SYNC: variants seen among roughly 807,000 people sequenced by gnomAD.
SYNC encodes syncoilin.
A neutral mutation model predicts 49.5 loss-of-function variants in SYNC; 38 were observed. The observed-to-expected ratio is 0.77, with a 90% CI of 0.59 to 1.01. The LOEUF (loss-of-function observed/expected upper bound fraction) is 1.01. Among genes scored for constraint, SYNC ranks in the 50% least tolerant of loss-of-function variants. The pLI, the probability that SYNC is intolerant of heterozygous loss-of-function variation, is 0.00. For synonymous variants in SYNC, 201 were observed against 230.8 expected, an observed-to-expected ratio of 0.87 and a Z score of 1.17; for missense variants, 579 against 580.6, an observed-to-expected ratio of 1.00 and a Z score of 0.03.
chr1:32,694,979 C>T lies in SYNC; in HGVS notation c.1119G>A (p.Glu373=), dbSNP rs143560038. ...RTQAEIQEMK[E]ALRPLQAEAR... ...CCTCTGCTTGCAGGGGTCTCAGAGC[C>T]TCCTTCATTTCCTGGATCTCAGCCT... Residue 373 remains glutamate (E), a synonymous_variant, in exon 2 of 5, where the codon GAG becomes GAA. Coordinates refer to ENST00000409190, the MANE Select transcript of SYNC (RefSeq NM_030786.3). 11 of 1,614,090 alleles carry T rather than the reference C, an allele frequency of 6.8e-6. No individual in the cohort carries two copies. The African/African-American group carries it at 1.2e-4, about 18-fold the overall frequency.
In SYNC at chr1:32,680,074, C is replaced by A; in HGVS notation, c.*1776G>T. 13 of 1,072,048 alleles carry A rather than the reference C, an allele frequency of 1.2e-5. No individual in the cohort carries two copies. The highest frequency in any genetic ancestry group is 1.5e-5 in the Non-Finnish European group (13 of 887,194). The allele number at this position is 1,072,048 out of a possible 1,614,324, so 66.4% of individuals were successfully genotyped here. A position where few individuals can be genotyped will look rare whatever the true frequency, so the allele number is the denominator to read the frequency against. ...GAATAGAGCCAAATGAGGTAGGTGT[C>A]TGAGCCATGAAGTATAAATACTGAA... On this transcript the variant is annotated 3_prime_UTR_variant, in exon 5 of 5. Coordinates refer to ENST00000409190, the MANE Select transcript of SYNC (RefSeq NM_030786.3).
intron 2 of SYNC, among the ~76,000 whole-genome samples, chr1:32,687,454 C>T (rs1649908929): frequency 1.3e-5 from 2 of 151,446 alleles, no homozygotes; most frequent in African/African-American, 2.4e-5. Flanking sequence ...AGGTGGATCA[C>T]GAGGTCAAGA....
In SYNC at chr1:32,684,093, TAAAA is replaced by T; in HGVS notation, c.1359-8_1359-5del. 1 of 1,609,448 alleles carries T rather than the reference TAAAA, an allele frequency of 6.2e-7. No homozygotes were observed. The highest frequency in any genetic ancestry group is 1.1e-5 in the South Asian group (1 of 90,894). ...GCTCTTGGGTAGTAGCATAGCCCTT[TAAAA>T]AGAGAGAGCCATTTTCCATGTGTTT... On this transcript the variant is annotated splice_polypyrimidine_tract_variant and splice_region_variant and intron_variant, in intron 3 of 4. Transcript: ENST00000409190.
chr1:32,693,811 AAAAGG>A (rs1360734440), intron 2 of SYNC, among the ~76,000 whole-genome samples: 13 of 152,208 alleles, frequency 8.5e-5, no homozygotes, highest in Non-Finnish European at 1.8e-4. Flanking sequence ...AAATGCACAT[AAAAGG>A]AAAGTGAAGA....
chr1:32,697,452 A>G (rs1380117330), intron 1 of SYNC, among the ~76,000 whole-genome samples: 1 of 149,294 alleles, frequency 6.7e-6, no homozygotes, highest in Non-Finnish European at 1.5e-5. Flanking sequence ...AAAAAAAAAA[A>G]GATAACCGTG....
At chr1:32,700,701 AAAAG>A (rs929909995) in intron 1 of SYNC, among the ~76,000 whole-genome samples, 24 of 152,314 alleles carry the variant, frequency 1.6e-4, no homozygotes, top group Admixed American at 7.2e-4. Context: ...CTGTCTCAAA[AAAAG>A]AAAGAAAGAA....
Position 32,695,249 on chromosome 1 carries a change from C to T in SYNC, c.849G>A (p.Gln283=), listed in dbSNP as rs547952505. Residue 283 remains glutamine (Q), a synonymous_variant, in exon 2 of 5, where the codon CAG becomes CAA. Transcript: ENST00000409190. ...GGAGCTGGGCCAGTTCCTCTGAGAG[C>T]TGGGTTGCCCTTGTAGTCAGCACTT... The part of the protein sequence containing the change: ...FREVLTTRAT[Q]LSEELAQLRD... 6.4e-6 allele frequency: 10 copies of T among 1,552,118 alleles called. No homozygotes were observed. In the South Asian group the frequency reaches 7.1e-5, roughly 11 times the overall value.
Position 32,695,631 on chromosome 1 carries a change from C to G in SYNC, c.467G>C (p.Arg156Thr). 1 of 1,551,672 alleles carries G rather than the reference C, an allele frequency of 6.4e-7. No individual in the cohort carries two copies. Among genetic ancestry groups the G allele is most frequent in the Non-Finnish European group, 8.7e-7 (1 of 1,147,006 alleles). ...CTCCATGCTGGGGCTCTGCTCGGCT[C>G]TGAGGCTCTCCTCAGGGTTAGATTT... The part of the protein sequence containing the change: ...AEKSNPEESL[R>T]AEQSPSMEEN... Residue 156 changes from arginine (R) to threonine (T), a missense_variant, in exon 2 of 5, where the codon AGA (arginine) becomes ACA (threonine). Arg to Thr is a moderately conservative substitution (Grantham distance 71). Transcript: ENST00000409190.
At chr1:32,698,353 C>T (rs1650524784) in intron 1 of SYNC, among the ~76,000 whole-genome samples, 1 of 151,812 alleles carries the variant, frequency 6.6e-6, no homozygotes, top group Non-Finnish European at 1.5e-5. Flanking sequence ...CCCGTCTCTA[C>T]TAAAAGTACA....
rs1316669016 is a variant in SYNC, at chr1:32,680,294, C to T, written c.*1556G>A. On this transcript the variant is annotated 3_prime_UTR_variant, in exon 5 of 5. Coordinates refer to ENST00000409190, the MANE Select transcript of SYNC (RefSeq NM_030786.3). ...TATATTTTTGCTCGTTAGTGTATTT[C>T]TTGAGCTGTTTTCATGTTGTTTATT... 4.0e-6 allele frequency: 5 copies of T among 1,264,654 alleles called. No individual in the cohort carries two copies. In the African/African-American group the frequency reaches 6.7e-5, roughly 17 times the overall value. The allele number at this position is 1,264,654 out of a possible 1,614,324, so 78.3% of individuals were successfully genotyped here.
At chr1:32,693,816 G>C (rs1650276977) in intron 2 of SYNC, among the ~76,000 whole-genome samples, 1 of 152,124 alleles carries the variant, frequency 6.6e-6, no homozygotes, top group South Asian at 2.1e-4. Context: ...CACATAAAAG[G>C]AAAGTGAAGA....
At chr1:32,702,777 C>T, upstream of SYNC, 1 of 908,002 alleles carries the variant, frequency 1.1e-6, no homozygotes, top group Non-Finnish European at 1.3e-6. This position sits in a 1 kb window ranked among gnomAD's most constrained non-coding sequence, Gnocchi z 6.2. Context: ...TCCCGGCCGG[C>T]CCCGGGCCGG....
intron 2 of SYNC, among the ~76,000 whole-genome samples, chr1:32,687,361 C>CA (rs11383471): frequency 0.89 from 109,805 of 123,524 alleles, 49,087 homozygotes; most frequent in Non-Finnish European, 0.95. Flanking sequence ...GACTTCATCT[C>CA]AAAAAAAAAA....
In SYNC at chr1:32,680,574, C is replaced by G; in HGVS notation, c.*1276G>C. The G allele has an allele frequency of 6.6e-7, 1 of 1,517,286 alleles. No individual in the cohort carries two copies. The allele number at this position is 1,517,286 out of a possible 1,614,324, so 94.0% of individuals were successfully genotyped here. On this transcript the variant is annotated 3_prime_UTR_variant, in exon 5 of 5. Transcript: ENST00000409190. ...TGATGCCATCTCCATTTTGGGTGAC[C>G]TGTTTCACCAGCAGGCCTGTTACTC...
intron 2 of SYNC, among the ~76,000 whole-genome samples, chr1:32,686,731 T>A (rs531643551): frequency 6.6e-6 from 1 of 152,290 alleles, no homozygotes; most frequent in Admixed American, 6.5e-5. Flanking sequence ...CTTGCAACCC[T>A]ATGGATATGG....
chr1:32,695,519 C>A lies in SYNC; in HGVS notation c.579G>T (p.Arg193Ser). Residue 193 changes from arginine (R) to serine (S), a missense_variant, in exon 2 of 5, where the codon AGG becomes AGT. Coordinates refer to ENST00000409190, the MANE Select transcript of SYNC (RefSeq NM_030786.3). The stretch of plus-strand genomic sequence containing the variant: ...ATACAAGCTCATGGATGAGCTGATC[C>A]CTCTCCTCTTCCAGCTGGGCCACAG... ...VQAVAQLEEE[R>S]DQLIHELVLL... is the part of the protein sequence containing the mutation. 6.4e-7 allele frequency: 1 copy of A among 1,551,392 alleles called. No individual in the cohort carries two copies. Among genetic ancestry groups the A allele is most frequent in the South Asian group, 1.2e-5 (1 of 84,034 alleles).
At chr1:32,687,376 A>C (rs937992491) in intron 2 of SYNC, among the ~76,000 whole-genome samples, 17 of 148,170 alleles carry the variant, frequency 1.1e-4, no homozygotes, top group African/African-American at 3.7e-4. Context: ...AAAAAAAAAA[A>C]CCATAAAAGT....
chr1:32,695,699 TG>T lies in SYNC; in HGVS notation c.398del (p.Pro133GlnfsTer35). 6.4e-7 allele frequency: 1 copy of T among 1,551,620 alleles called. No individual in the cohort carries two copies. The highest frequency in any genetic ancestry group is 2.0e-5 in the Admixed American group (1 of 50,970). Reference protein sequence around the residue: ...GPVEPGKPTSPEHVVYEGETV... With the variant: ...GPVEPGKPTSXEHVVYEGETV... ...TCTCTCCCTCATAAACAACGTGCTCTGGGCTTGTGGGCTTTCCTGGCTCCAC... is the reference window on the plus strand; with the variant it reads ...TCTCTCCCTCATAAACAACGTGCTCTGGCTTGTGGGCTTTCCTGGCTCCAC... On this transcript the variant is annotated frameshift_variant, in exon 2 of 5. Coordinates refer to ENST00000409190, the MANE Select transcript of SYNC (RefSeq NM_030786.3). LOFTEE classifies it high-confidence loss of function.
At position 32,699,153 on chromosome 1, in the gene SYNC, C is replaced by CTTTTT. The variant is rs61577689; in HGVS notation, c.54-3114_54-3110dup. Among the ~76,000 whole-genome samples, 67 of 104,014 alleles carry CTTTTT rather than the reference C, an allele frequency of 6.4e-4. 3 individuals are homozygous for CTTTTT. Among genetic ancestry groups the CTTTTT allele is most frequent in the East Asian group, 1.8e-3 (6 of 3,374 alleles). The allele number at this position is 104,014 out of a possible 152,430, so 68.2% of individuals were successfully genotyped here. Reference sequence around the variant, plus strand: ...TTCACTGAGAAGTGACTTTTCTTTTCTTTTTTTTTTTTTTTTTTGAGATGG... The same window carrying CTTTTT: ...TTCACTGAGAAGTGACTTTTCTTTTCTTTTTTTTTTTTTTTTTTTTTTTGAGATGG... On this transcript the variant is annotated intron_variant, in intron 1 of 4. Coordinates refer to ENST00000409190, the MANE Select transcript of SYNC (RefSeq NM_030786.3).
Sources: allele counts gnomAD v4.1 joint callset (sites outside exome capture counted in the v4.1 genomes callset), GRCh38; gene constraint gnomAD v4.1.1; non-coding constraint Gnocchi (gnomAD v3.1); transcripts MANE v1.5; gene names NCBI Gene and HGNC (gene_info 2026-07-23, HGNC 2026-07-21).